Variants in METTL15 observed in about 807,000 individuals in gnomAD.
METTL15 encodes the protein 12S rRNA N(4)-cytidine methyltransferase METTL15.
A neutral mutation model predicts 38.3 loss-of-function variants in METTL15; 34 were observed. That is an observed-to-expected ratio of 0.89 (90% confidence interval 0.68 to 1.18). The LOEUF is 1.18. METTL15 is among the 50% of genes most tolerant of loss of function. The probability of loss-of-function intolerance (pLI) is 0.00; values close to 1 mark genes in which losing one functional copy is unlikely to be tolerated. For synonymous variants in METTL15, 162 were observed against 170.9 expected (o/e 0.95, Z 0.41); for missense variants, 438 against 498.4 (o/e 0.88, Z 1.15).
At chr11:28,213,963 G>A (rs1852756619) in intron 4 of METTL15, among the ~76,000 whole-genome samples, 4 of 152,024 alleles carry the variant, frequency 2.6e-5, no homozygotes, top group Admixed American at 1.3e-4. Context: ...CCAAAGCAAT[G>A]CCTTTTACAC....
intron 3 of METTL15, among the ~76,000 whole-genome samples, chr11:28,192,795 C>T (rs994572589): frequency 4.6e-5 from 7 of 151,974 alleles, no homozygotes; most frequent in Admixed American, 2.0e-4. Flanking sequence ...CCTTTGATAA[C>T]GAAGAATTAT....
At chr11:28,162,709 T>A (rs1195116130) in intron 3 of METTL15, among the ~76,000 whole-genome samples, 2 of 152,080 alleles carry the variant, frequency 1.3e-5, no homozygotes, top group Admixed American at 6.6e-5. Context: ...TTGGGCAAAA[T>A]CATCAAACAA....
chr11:28,242,120 A>G (rs1445977497), intron 4 of METTL15, among the ~76,000 whole-genome samples: 1 of 152,214 alleles, frequency 6.6e-6, no homozygotes, highest in Admixed American at 6.5e-5. Flanking sequence ...ATTGACTAAA[A>G]TTTTGAGAAT....
At chr11:28,207,465 G>A (rs1174942646) in intron 3 of METTL15, among the ~76,000 whole-genome samples, 2 of 152,170 alleles carry the variant, frequency 1.3e-5, no homozygotes, top group Non-Finnish European at 2.9e-5. Context: ...AAGCCCACTT[G>A]ATCATGGTGG....
intron 3 of METTL15, among the ~76,000 whole-genome samples, chr11:28,130,748 CAT>C (rs1411880225): frequency 6.6e-6 from 1 of 152,166 alleles, no homozygotes. Context: ...TTAAATATGA[CAT>C]ATGGCATTGC....
chr11:28,284,076 A>C (rs1856160325), intron 4 of METTL15, among the ~76,000 whole-genome samples: 1 of 152,174 alleles, frequency 6.6e-6, no homozygotes, highest in Non-Finnish European at 1.5e-5. Context: ...CTGAGTTTTC[A>C]ACAGTTGGTA....
intron 3 of METTL15, among the ~76,000 whole-genome samples, chr11:28,118,734 C>G (rs1852081360): frequency 6.6e-6 from 1 of 152,170 alleles, no homozygotes; most frequent in Non-Finnish European, 1.5e-5. Context: ...AAGTACCCCA[C>G]TAGTACAAGT....
chr11:28,220,048 G>A (rs939792040), intron 4 of METTL15, among the ~76,000 whole-genome samples: 5 of 152,174 alleles, frequency 3.3e-5, no homozygotes, highest in African/African-American at 9.7e-5. Context: ...TTGATTTGGG[G>A]TAGAGAGTTC....
chr11:28,312,039 T>G (rs2134028371), intron 6 of METTL15, among the ~76,000 whole-genome samples: 1 of 152,276 alleles, frequency 6.6e-6, no homozygotes, highest in South Asian at 2.1e-4. Context: ...TTGTTGAAGT[T>G]GTTATTCCCA....
chr11:28,378,095 A>C (rs1245368887), intron 5 of METTL15, among the ~76,000 whole-genome samples: 1 of 152,050 alleles, frequency 6.6e-6, no homozygotes, highest in Non-Finnish European at 1.5e-5. Context: ...TGCAGAGGTT[A>C]CTGCTGTCTT....
At chr11:28,209,428 G>A (rs1032129815) in intron 3 of METTL15, among the ~76,000 whole-genome samples, 2 of 151,932 alleles carry the variant, frequency 1.3e-5, no homozygotes, top group African/African-American at 2.4e-5. Flanking sequence ...ACTGGCAAAG[G>A]AAATTATTTG....
chr11:28,326,750 A>G (rs954299175), intron 6 of METTL15, among the ~76,000 whole-genome samples: 2 of 151,656 alleles, frequency 1.3e-5, no homozygotes, highest in African/African-American at 2.4e-5. Context: ...GCTAAATTGT[A>G]GGATTTTTTT....
chr11:28,135,768 T>G (rs542194697), intron 3 of METTL15, among the ~76,000 whole-genome samples: 1 of 152,320 alleles, frequency 6.6e-6, no homozygotes, highest in East Asian at 1.9e-4. Context: ...TCCTCCAAAT[T>G]TTGTTCACAG....
At chr11:28,304,355 G>A (rs1321688670) in intron 6 of METTL15, among the ~76,000 whole-genome samples, 1 of 152,112 alleles carries the variant, frequency 6.6e-6, no homozygotes, top group East Asian at 1.9e-4. Flanking sequence ...ACCTGTATCT[G>A]AAACCATCAT....
At chr11:28,520,194 C>T (rs896107225) in intron 6 of METTL15, among the ~76,000 whole-genome samples, 2 of 151,990 alleles carry the variant, frequency 1.3e-5, no homozygotes, top group Non-Finnish European at 2.9e-5. Flanking sequence ...AAAAGTGAGC[C>T]TGGAGTAGTG....
At chr11:28,453,672 AT>A (rs1327111562) in intron 6 of METTL15, among the ~76,000 whole-genome samples, 2 of 152,236 alleles carry the variant, frequency 1.3e-5, no homozygotes, top group Non-Finnish European at 2.9e-5. Flanking sequence ...AACTAGGAAA[AT>A]AACCACAAGA....
intron 3 of METTL15, among the ~76,000 whole-genome samples, chr11:28,155,012 TG>T (rs1850215311): frequency 1.3e-5 from 2 of 152,090 alleles, no homozygotes; most frequent in African/African-American, 4.8e-5. Flanking sequence ...TTTCTCCTAA[TG>T]GGATTTATTT....
At chr11:28,368,874 C>G (rs186701243) in intron 5 of METTL15, among the ~76,000 whole-genome samples, 2 of 152,076 alleles carry the variant, frequency 1.3e-5, no homozygotes, top group Admixed American at 1.3e-4. Flanking sequence ...AAGCTGGAAA[C>G]CATCATTCTC....
At chr11:28,237,171 C>T (rs987961313) in intron 4 of METTL15, among the ~76,000 whole-genome samples, 3 of 152,150 alleles carry the variant, frequency 2.0e-5, no homozygotes, top group Non-Finnish European at 4.4e-5. Flanking sequence ...TGGGGAAGTT[C>T]TCCTGGATAA....
Sources: gnomAD v4.1 joint callset for allele counts (sites outside exome capture counted in the v4.1 genomes callset) on GRCh38, gnomAD v4.1.1 for gene constraint, MANE v1.5 for transcripts, NCBI Gene and HGNC (gene_info 2026-07-23, HGNC 2026-07-21) for gene names.